Variants in RGS7BP observed in about 807,000 individuals in gnomAD.
The protein encoded by RGS7BP is regulator of G protein signaling 7 binding protein.
Under a neutral mutation model 31.3 loss-of-function variants are expected in RGS7BP, and 9 were observed. The ratio of observed to expected loss-of-function variants is 0.29; its 90% CI spans 0.17 to 0.50. The LOEUF (loss-of-function observed/expected upper bound fraction) is 0.50, where lower values mean the gene tolerates loss of function less well. RGS7BP is among the 20% of genes least tolerant of loss of function. The pLI is 0.98. For synonymous variants in RGS7BP, 115 were observed against 120.1 expected (o/e 0.96, Z 0.28); for missense variants, 274 against 322.0 (o/e 0.85, Z 1.14).
chr5:64,575,544 G>T, intron 2 of RGS7BP: 1 of 521,934 alleles, frequency 1.9e-6, no homozygotes, highest in South Asian at 6.7e-5. Context: ...TTAAGCTCCC[G>T]GCAGAACTCT....
At chr5:64,532,437 C>T (rs1195679524) in intron 2 of RGS7BP, among the ~76,000 whole-genome samples, 2 of 151,992 alleles carry the variant, frequency 1.3e-5, no homozygotes, top group African/African-American at 2.4e-5. Flanking sequence ...TTAGAAAGAG[C>T]ATTTATTCTT....
At chr5:64,511,920 A>G (rs891901011) in intron 2 of RGS7BP, among the ~76,000 whole-genome samples, 1 of 152,194 alleles carries the variant, frequency 6.6e-6, no homozygotes, top group Non-Finnish European at 1.5e-5. Flanking sequence ...CCACATGTCC[A>G]GACTGTCAAT....
intron 2 of RGS7BP, among the ~76,000 whole-genome samples, chr5:64,571,461 TGGG>T (rs1442298790): frequency 6.6e-6 from 1 of 152,132 alleles, no homozygotes; most frequent in Non-Finnish European, 1.5e-5. Context: ...GGTCATAGGA[TGGG>T]TATATGTTTA....
At chr5:64,608,344 T>C (rs530675018) in intron 5 of RGS7BP, among the ~76,000 whole-genome samples, 1 of 152,156 alleles carries the variant, frequency 6.6e-6, no homozygotes, top group South Asian at 2.1e-4. Flanking sequence ...ATTTACTGGT[T>C]TATTTCTACC....
intron 2 of RGS7BP, among the ~76,000 whole-genome samples, chr5:64,526,707 T>A (rs146657482): frequency 1.3e-5 from 2 of 152,270 alleles, no homozygotes; most frequent in Non-Finnish European, 2.9e-5. Context: ...AGTGAGCAAC[T>A]AATGGAACCA....
chr5:64,520,892 G>A (rs1427873035), intron 2 of RGS7BP, among the ~76,000 whole-genome samples: 7 of 152,206 alleles, frequency 4.6e-5, no homozygotes, highest in Non-Finnish European at 7.4e-5. Context: ...CATTGAGGCT[G>A]GGAGAAAAGA....
intron 1 of RGS7BP, 30 bp from the exon 2 acceptor site, chr5:64,507,681 T>TAAAA: frequency 3.9e-6 from 5 of 1,296,000 alleles, no homozygotes; most frequent in South Asian, 3.0e-5. Flanking sequence ...AAATGTTTGG[T>TAAAA]AAAAAAAAAA....
intron 2 of RGS7BP, among the ~76,000 whole-genome samples, chr5:64,508,530 T>A (rs1338387049): frequency 6.6e-6 from 1 of 152,244 alleles, no homozygotes; most frequent in African/African-American, 2.4e-5. Flanking sequence ...TATTAGGAGA[T>A]AATTCAGTAT....
Position 64,507,940 on chromosome 5 carries a change from A to G in RGS7BP, c.332+63A>G. On this transcript the variant is annotated intron_variant, in intron 2 of 5. Transcript: ENST00000334025. ...GATGCATGGATGCTGACAGAATTTT[A>G]TGGTAGTCAAGTCCTCAGACATGAT... The G allele has an allele frequency of 7.9e-6, 11 of 1,391,248 alleles. 1 individual carries two copies. In the South Asian group the frequency reaches 1.0e-4, roughly 13 times the overall value. The allele number at this position is 1,391,248 out of a possible 1,614,324, so 86.2% of individuals were successfully genotyped here. A position where few individuals can be genotyped will look rare whatever the true frequency, so the allele number is the denominator to read the frequency against.
intron 2 of RGS7BP, among the ~76,000 whole-genome samples, chr5:64,572,515 C>A (rs188644884): frequency 6.6e-6 from 1 of 152,174 alleles, no homozygotes; most frequent in Admixed American, 6.6e-5. Flanking sequence ...ATAAAAGATA[C>A]CTTAGCTTTT....
chr5:64,577,052 T>A (rs1171319244), intron 3 of RGS7BP, among the ~76,000 whole-genome samples: 1 of 147,160 alleles, frequency 6.8e-6, no homozygotes, highest in Admixed American at 6.9e-5. Flanking sequence ...AAGAAAGATA[T>A]TTCATATGAG....
chr5:64,522,093 C>T (rs562230144), intron 2 of RGS7BP, among the ~76,000 whole-genome samples: 1 of 152,324 alleles, frequency 6.6e-6, no homozygotes, highest in South Asian at 2.1e-4. Context: ...AGGACTACAA[C>T]AGATTCTCTA....
chr5:64,596,117 T>G (rs890308649), intron 4 of RGS7BP, among the ~76,000 whole-genome samples: 8 of 152,342 alleles, frequency 5.3e-5, no homozygotes, highest in African/African-American at 1.9e-4. Context: ...CCATTTTACT[T>G]TGCAGACCTT....
At chr5:64,559,006 C>T (rs542289999) in intron 2 of RGS7BP, among the ~76,000 whole-genome samples, 14 of 152,292 alleles carry the variant, frequency 9.2e-5, no homozygotes, top group South Asian at 8.3e-4. Flanking sequence ...CAGCGGGACA[C>T]GGAACTTCAT....
rs900238014 is a variant in RGS7BP at position 64,514,919 on chromosome 5, A to G, written c.332+7042A>G. ...CAAGACAAGTGTTCTCCCATTGCCT[A>G]TTGAAGTTTAGCCACTTTATGTTTT... On this transcript the variant is annotated intron_variant, in intron 2 of 5. Coordinates refer to ENST00000334025, the MANE Select transcript of RGS7BP (RefSeq NM_001029875.3). 4.6e-5 allele frequency among the ~76,000 whole-genome samples: 7 copies of G among 152,222 alleles called. No individual in the cohort carries two copies. The South Asian group carries it at 1.4e-3, about 32-fold the overall frequency.
chr5:64,561,075 T>C (rs1269366062), intron 2 of RGS7BP, among the ~76,000 whole-genome samples: 1 of 152,144 alleles, frequency 6.6e-6, no homozygotes, highest in Non-Finnish European at 1.5e-5. Flanking sequence ...AGCACCCTGT[T>C]CTTGTTTGCA....
intron 2 of RGS7BP, among the ~76,000 whole-genome samples, chr5:64,554,159 G>A (rs535695963): frequency 2.1e-4 from 32 of 152,224 alleles, no homozygotes; most frequent in Admixed American, 1.9e-3. Flanking sequence ...GCAGGACATT[G>A]GAAGGAAGGA....
In RGS7BP at chr5:64,568,837, G is replaced by GA. The variant is rs80074040; in HGVS notation, c.333-6927dup. ...TAAATATAGTTTTTACTTTTTAAAT[G>GA]AAAAAAAAAAGTGAATAAAGTGCTT... On this transcript the variant is annotated intron_variant, in intron 2 of 5. Coordinates refer to ENST00000334025, the MANE Select transcript of RGS7BP (RefSeq NM_001029875.3). Among the ~76,000 whole-genome samples the GA allele has an allele frequency of 8.5e-4, 117 of 137,570 alleles. 1 individual carries two copies. The highest frequency in any genetic ancestry group is 3.7e-3 in the Middle Eastern group (1 of 272). The allele number at this position is 137,570 out of a possible 152,430, so 90.3% of individuals were successfully genotyped here.
chr5:64,582,813 G>A (rs1239919836), intron 3 of RGS7BP, among the ~76,000 whole-genome samples: 1 of 152,114 alleles, frequency 6.6e-6, no homozygotes, highest in East Asian at 1.9e-4. Flanking sequence ...AAAAACTCCA[G>A]TGTATTCAGC....
Sources: allele counts gnomAD v4.1 joint callset (sites outside exome capture counted in the v4.1 genomes callset), GRCh38; gene constraint gnomAD v4.1.1; transcripts MANE v1.5; gene names NCBI Gene and HGNC (gene_info 2026-07-23, HGNC 2026-07-21).